Variants in SPATA7 observed in about 807,000 individuals in gnomAD.
SPATA7 encodes spermatogenesis-associated protein 7.
SPATA7 carries 43 observed loss-of-function variants against 51.8 expected under a neutral mutation model. The observed-to-expected ratio is 0.83, with a 90% CI of 0.65 to 1.07. SPATA7 has a LOEUF of 1.07. SPATA7 is among the 50% of genes least tolerant of loss of function. The pLI, the probability that SPATA7 is intolerant of heterozygous loss-of-function variation, is 0.00. For missense variants in SPATA7, 683 were observed against 701.3 expected (o/e 0.97, Z 0.30); for synonymous variants, 230 against 252.8 (o/e 0.91, Z 0.86).
chr14:88,453,910 A>G (rs2077267554), intron 3 of SPATA7, among the ~76,000 whole-genome samples: 1 of 152,210 alleles, frequency 6.6e-6, no homozygotes, highest in South Asian at 2.1e-4. Flanking sequence ...AAAGTTTTGC[A>G]CCAAGGCTAA....
In SPATA7 at chr14:88,438,028, A is replaced by T. The variant is rs1025671248; in HGVS notation, c.1406A>T (p.Lys469Met). The stretch of plus-strand genomic sequence containing the variant: ...CAGCAGGAACGTCAACAATACCAAA[A>T]GGCTTTGGATATGTTATTGTCGGCA... Reference protein sequence around the residue: ...TIQQERQQYQKALDMLLSAPK... With the variant: ...TIQQERQQYQMALDMLLSAPK... Residue 469 changes from lysine (K) to methionine (M), a missense_variant, in exon 12 of 12, where the codon AAG (lysine) becomes ATG (methionine). Transcript: ENST00000393545. The T allele has an allele frequency of 1.2e-6, 2 of 1,614,018 alleles. No individual in the cohort carries two copies. The highest frequency in any genetic ancestry group is 1.3e-5 in the African/African-American group (1 of 74,940).
chr14:88,415,672 C>T (rs756135389), intron 4 of SPATA7, among the ~76,000 whole-genome samples: 3 of 152,072 alleles, frequency 2.0e-5, no homozygotes, highest in African/African-American at 7.2e-5. Flanking sequence ...GTCTTGATTG[C>T]GTATTTGCTT....
chr14:88,393,776 C>CT (rs2139874244), intron 3 of SPATA7: 1 of 259,354 alleles, frequency 3.9e-6, no homozygotes, highest in African/African-American at 2.3e-5. Context: ...ATATAATCTG[C>CT]TTTTTTGTTT....
chr14:88,417,488 T>C (rs1488003134), intron 5 of SPATA7, among the ~76,000 whole-genome samples: 1 of 151,982 alleles, frequency 6.6e-6, no homozygotes, highest in Admixed American at 6.6e-5. Context: ...GTGTTTTCAG[T>C]AGAGATGGGG....
intron 5 of SPATA7, among the ~76,000 whole-genome samples, chr14:88,420,870 C>T (rs903530804): frequency 7.9e-5 from 12 of 152,300 alleles, no homozygotes; most frequent in East Asian, 3.9e-4. Flanking sequence ...AATCCCAGCA[C>T]TTTGGGAGGC....
At chr14:88,430,252 A>C (rs1231546917) in intron 8 of SPATA7, among the ~76,000 whole-genome samples, 2 of 152,092 alleles carry the variant, frequency 1.3e-5, no homozygotes, top group Non-Finnish European at 2.9e-5. Context: ...CTTCTCCCTC[A>C]GGCCTTTGCT....
intron 4 of SPATA7, among the ~76,000 whole-genome samples, chr14:88,465,598 GT>G (rs2077352837): frequency 6.6e-6 from 1 of 152,208 alleles, no homozygotes; most frequent in African/African-American, 2.4e-5. Flanking sequence ...GAAAACAGTG[GT>G]TTATAACTCT....
chr14:88,427,445 T>C (rs2076826726), intron 6 of SPATA7, among the ~76,000 whole-genome samples, 185 bp from the exon 7 acceptor site: 1 of 151,356 alleles, frequency 6.6e-6, no homozygotes, highest in Non-Finnish European at 1.5e-5. Context: ...TATAGATAAG[T>C]ACAGTGATAT....
intron 10 of SPATA7, among the ~76,000 whole-genome samples, chr14:88,433,965 A>T (rs1389497542): frequency 6.6e-6 from 1 of 152,188 alleles, no homozygotes; most frequent in Admixed American, 6.5e-5. Context: ...GACCCCTTTC[A>T]TTTTAAAAAG....
In SPATA7 at chr14:88,426,563, A is replaced by T; in HGVS notation, c.704A>T (p.Asn235Ile). Residue 235 changes from asparagine to isoleucine, a missense_variant, in exon 6 of 12, where the codon AAC becomes ATC. Asn to Ile is a moderately radical substitution (Grantham distance 149). Transcript: ENST00000393545. ...LLDKHSELFS[N>I]KQLPFTPRTL... ...GATAAACATTCTGAACTCTTTTCTAACAAACAATTGCCATTCACTCCTCGC... is the reference window on the plus strand; with the variant it reads ...GATAAACATTCTGAACTCTTTTCTATCAAACAATTGCCATTCACTCCTCGC... 6.2e-7 allele frequency: 1 copy of T among 1,614,174 alleles called. No individual in the cohort carries two copies. Among genetic ancestry groups the T allele is most frequent in the Non-Finnish European group, 8.5e-7 (1 of 1,180,026 alleles).
intron 5 of SPATA7, among the ~76,000 whole-genome samples, chr14:88,417,269 T>C (rs1174368805): frequency 6.7e-6 from 1 of 150,078 alleles, no homozygotes; most frequent in Non-Finnish European, 1.5e-5. Flanking sequence ...GGAATGATGA[T>C]ATTATGATAT....
At chr14:88,460,769 G>T (rs1450526139) in intron 4 of SPATA7, among the ~76,000 whole-genome samples, 13 of 152,198 alleles carry the variant, frequency 8.5e-5, no homozygotes, top group Admixed American at 8.5e-4. Context: ...CGTTCCTTTG[G>T]AGGGGGAGAG....
At chr14:88,394,571 A>G (rs193293009) in intron 3 of SPATA7, among the ~76,000 whole-genome samples, 2 of 152,286 alleles carry the variant, frequency 1.3e-5, no homozygotes, top group East Asian at 3.9e-4. Flanking sequence ...AAACATTTGG[A>G]TTGTTTTGAC....
intron 4 of SPATA7, among the ~76,000 whole-genome samples, chr14:88,402,231 C>T (rs914292086): frequency 2.6e-5 from 4 of 152,138 alleles, no homozygotes; most frequent in Non-Finnish European, 5.9e-5. Flanking sequence ...CCAAAGTAGT[C>T]TATAAATTCA....
chr14:88,396,868 C>CTTTTTTTTTTTTTTTTTT (rs1261739206), intron 4 of SPATA7, among the ~76,000 whole-genome samples: 1 of 101,136 alleles, frequency 9.9e-6, no homozygotes, highest in African/African-American at 2.8e-5. Flanking sequence ...CTTTTCTTTT[C>CTTTTTTTTTTTTTTTTTT]TTTTTTCTTT....
At chr14:88,437,636 T>C (rs1157636097) in intron 11 of SPATA7, 39 bp downstream of exon 11, 2 of 1,504,578 alleles carry the variant, frequency 1.3e-6, no homozygotes, top group South Asian at 1.2e-5. Context: ...AAAATTATAA[T>C]GTAAAAATAA....
chr14:88,426,430 CG>C lies in SPATA7; in HGVS notation c.573del (p.Lys192AsnfsTer2). 6.2e-7 allele frequency: 1 copy of C among 1,614,156 alleles called. No individual in the cohort carries two copies. Among genetic ancestry groups the C allele is most frequent in the Non-Finnish European group, 8.5e-7 (1 of 1,180,014 alleles). ...SSVDYAASGP[R>X]KLSSGALYGR... ...TGTGGATTATGCAGCCTCCGGGCCC[CG>C]GAAACTGAGCTCTGGAGCCCTGTAT... On this transcript the variant is annotated frameshift_variant, in exon 6 of 12. Coordinates refer to ENST00000393545, the MANE Select transcript of SPATA7 (RefSeq NM_018418.5). LOFTEE classifies it high-confidence loss of function.
chr14:88,416,409 CTTTT>C (rs536916579), intron 4 of SPATA7: 50 of 120,980 alleles, frequency 4.1e-4, no homozygotes, highest in South Asian at 1.2e-3. Flanking sequence ...TGTTGGCATT[CTTTT>C]TTTTTTTTTT....
chr14:88,420,256 G>A (rs73323525), intron 5 of SPATA7, among the ~76,000 whole-genome samples: 5,373 of 152,100 alleles, frequency 0.035, 312 homozygotes, highest in African/African-American at 0.12. Flanking sequence ...CCTCAGGTCC[G>A]GTACAGACCT....
Sources: gnomAD v4.1 joint callset for allele counts (sites outside exome capture counted in the v4.1 genomes callset) on GRCh38, gnomAD v4.1.1 for gene constraint, MANE v1.5 for transcripts, NCBI Gene and HGNC (gene_info 2026-07-23, HGNC 2026-07-21) for gene names.